Variants in ALX1 observed in about 807,000 individuals in gnomAD.
The protein encoded by ALX1 is ALX homeobox protein 1.
A neutral mutation model predicts 31.7 loss-of-function variants in ALX1; 19 were observed. The observed-to-expected ratio is 0.60, with a 90% confidence interval of 0.42 to 0.88. The LOEUF (loss-of-function observed/expected upper bound fraction) is 0.88, where lower values mean the gene tolerates loss of function less well. ALX1 is among the 40% of genes least tolerant of loss of function. The probability of loss-of-function intolerance (pLI) is 0.00; values close to 1 mark genes in which losing one functional copy is unlikely to be tolerated. For missense variants in ALX1, 415 were observed against 407.8 expected (o/e 1.02, Z -0.15); for synonymous variants, 153 against 148.8 (o/e 1.03, Z -0.20).
chr12:85,296,678 A>C (rs1245307277), intron 3 of ALX1, among the ~76,000 whole-genome samples: 1 of 151,160 alleles, frequency 6.6e-6, no homozygotes, highest in Non-Finnish European at 1.5e-5. Flanking sequence ...TAGATTCTCC[A>C]CTCCTTTTAA....
intron 3 of ALX1, among the ~76,000 whole-genome samples, chr12:85,293,626 A>G (rs1307440062): frequency 2.0e-5 from 3 of 150,924 alleles, no homozygotes; most frequent in Admixed American, 6.6e-5. Flanking sequence ...ATTTTTTTAA[A>G]TAAGTATTTT....
rs1422981572 is a variant in ALX1 at position 85,294,158 on chromosome 12, T to A, written c.661-6997T>A. Among the ~76,000 whole-genome samples, 9 of 151,352 alleles carry A rather than the reference T, an allele frequency of 5.9e-5. No homozygotes were observed. The East Asian group carries it at 1.7e-3, about 29-fold the overall frequency. ...TTTTCTGTACAAATTAAAATATTTG[T>A]GTATTTTATTCATATTCTAAGCTAT... is the stretch of plus-strand genomic sequence containing the variant. On this transcript the variant is annotated intron_variant, in intron 3 of 3. Transcript: ENST00000316824.
chr12:85,286,723 A>G lies in ALX1; in HGVS notation c.532-130A>G, dbSNP rs1896752261. 23 of 880,886 alleles carry G rather than the reference A, an allele frequency of 2.6e-5. No individual in the cohort carries two copies. The South Asian group carries it at 3.2e-4, about 12-fold the overall frequency. The allele number at this position is 880,886 out of a possible 1,614,324, so 54.6% of individuals were successfully genotyped here. ...AAGTAAAATCTGTGGATCCTTTTCT[A>G]ACATAAATACATTTCTTTTTACGTA... On this transcript the variant is annotated intron_variant, in intron 2 of 3. Coordinates refer to ENST00000316824, the MANE Select transcript of ALX1 (RefSeq NM_006982.3).
Position 85,283,838 on chromosome 12 carries a change from C to G in ALX1, c.493C>G (p.Leu165Val), listed in dbSNP as rs1234238828. 1 of 1,614,092 alleles carries G rather than the reference C, an allele frequency of 6.2e-7. No homozygotes were observed. Among genetic ancestry groups the G allele is most frequent in the South Asian group, 1.1e-5 (1 of 91,084 alleles). Residue 165 changes from leucine to valine, a missense_variant, in exon 2 of 4, where the codon CTT (leucine) becomes GTT (valine). Leu to Val is a conservative substitution (Grantham distance 32). This residue lies in a region of ALX1 where 235 missense variants were observed against 208.9 expected (regional missense o/e 1.13). Transcript: ENST00000316824. The stretch of plus-strand genomic sequence containing the variant: ...CCCGGATGTGTATGTCAGAGAACAG[C>G]TTGCTCTGAGGACAGAGCTCACTGA... Reference protein sequence around the residue: ...HYPDVYVREQLALRTELTEAR... With the variant: ...HYPDVYVREQVALRTELTEAR...
chr12:85,284,892 G>A (rs1207626338), intron 2 of ALX1, among the ~76,000 whole-genome samples: 1 of 151,878 alleles, frequency 6.6e-6, no homozygotes, highest in African/African-American at 2.4e-5. Flanking sequence ...GTTCTAAATC[G>A]AGTAACGGTA....
chr12:85,286,746 G>T, intron 2 of ALX1, 107 bp from the exon 3 acceptor site: 1 of 1,046,838 alleles, frequency 9.6e-7, no homozygotes. Flanking sequence ...TTCTTTTTAC[G>T]TAATTTTTTT....
intron 3 of ALX1, among the ~76,000 whole-genome samples, chr12:85,291,528 A>G (rs532455373): frequency 4.6e-5 from 7 of 151,308 alleles, no homozygotes; most frequent in South Asian, 2.1e-4. Flanking sequence ...ATCTTAAGGT[A>G]TAAGTATTTC....
chr12:85,300,926 A>G (rs549494928), intron 3 of ALX1, among the ~76,000 whole-genome samples: 5 of 152,224 alleles, frequency 3.3e-5, no homozygotes, highest in Admixed American at 3.3e-4. Flanking sequence ...CATGTTTGAG[A>G]GTACGTTATG....
chr12:85,283,548 TTG>T, intron 1 of ALX1, 22 bp from the exon 2 acceptor site: 1 of 1,612,782 alleles, frequency 6.2e-7, no homozygotes, highest in Non-Finnish European at 8.5e-7. Flanking sequence ...CTGAGAACTG[TTG>T]TTTTTCCTCC....
intron 3 of ALX1, 22 bp downstream of exon 3, chr12:85,287,003 A>G (rs1435247001): frequency 2.5e-6 from 4 of 1,610,548 alleles, no homozygotes; most frequent in Non-Finnish European, 3.4e-6. Flanking sequence ...TACACAGAAT[A>G]CTGATCAAGA....
At chr12:85,294,946 A>T (rs546133336) in intron 3 of ALX1, among the ~76,000 whole-genome samples, 4 of 151,414 alleles carry the variant, frequency 2.6e-5, no homozygotes, top group African/African-American at 9.6e-5. Flanking sequence ...TATATTGGAA[A>T]AGTACTTTAA....
intron 2 of ALX1, among the ~76,000 whole-genome samples, chr12:85,286,565 G>A (rs1896749352): frequency 6.6e-6 from 1 of 151,760 alleles, no homozygotes; most frequent in African/African-American, 2.4e-5. Context: ...TAATCTAATT[G>A]CTTTTTGTTT....
chr12:85,294,039 G>A (rs920294614), intron 3 of ALX1, among the ~76,000 whole-genome samples: 1 of 151,062 alleles, frequency 6.6e-6, no homozygotes, highest in African/African-American at 2.4e-5. Context: ...TTAATACAAA[G>A]AGATGATGAG....
At chr12:85,283,910 T>G (rs371508817) in intron 2 of ALX1, 34 bp downstream of exon 2, 2 of 1,605,252 alleles carry the variant, frequency 1.2e-6, no homozygotes, top group Non-Finnish European at 1.7e-6. Flanking sequence ...ATGGATGGGA[T>G]AGGAAAATAA....
chr12:85,287,052 A>G, intron 3 of ALX1, 71 bp downstream of exon 3: 1 of 1,556,252 alleles, frequency 6.4e-7, no homozygotes, highest in Non-Finnish European at 8.8e-7. Context: ...AATGGTTAGC[A>G]TAGGCTTTAT....
chr12:85,285,889 A>G (rs1308150167), intron 2 of ALX1, among the ~76,000 whole-genome samples: 1 of 151,952 alleles, frequency 6.6e-6, no homozygotes, highest in Non-Finnish European at 1.5e-5. Flanking sequence ...TCCCTTTAAT[A>G]TTAAAGTGAA....
intron 3 of ALX1, among the ~76,000 whole-genome samples, chr12:85,289,925 C>G (rs1896796673): frequency 6.6e-6 from 1 of 150,852 alleles, no homozygotes; most frequent in Non-Finnish European, 1.5e-5. Flanking sequence ...GAAGTAGAAT[C>G]CAATATCTCA....
chr12:85,301,601 A>T lies in ALX1; in HGVS notation c.*126A>T. On this transcript the variant is annotated 3_prime_UTR_variant, in exon 4 of 4. Transcript: ENST00000316824. ...AAAGGTCAAGATATTCAGTGAGACC[A>T]GCTTAAATGAATAGTTGTTATTTAA... 1 of 939,312 alleles carries T rather than the reference A, an allele frequency of 1.1e-6. No homozygotes were observed. Among genetic ancestry groups the T allele is most frequent in the Non-Finnish European group, 1.6e-6 (1 of 615,834 alleles). The allele number at this position is 939,312 out of a possible 1,614,324, so 58.2% of individuals were successfully genotyped here.
At chr12:85,294,355 G>C (rs943354823) in intron 3 of ALX1, among the ~76,000 whole-genome samples, 1 of 150,974 alleles carries the variant, frequency 6.6e-6, no homozygotes, top group Non-Finnish European at 1.5e-5. Flanking sequence ...CAAGTGTCTG[G>C]AAAATCCTCC....
Sources: allele counts gnomAD v4.1 joint callset (sites outside exome capture counted in the v4.1 genomes callset), GRCh38; gene constraint gnomAD v4.1.1; regional missense constraint gnomAD v4.1.1; transcripts MANE v1.5; gene names NCBI Gene and HGNC (gene_info 2026-07-23, HGNC 2026-07-21).